Variants in IPCEF1 observed in about 807,000 individuals in gnomAD.
IPCEF1 encodes interactor protein for cytohesin exchange factors 1.
A neutral mutation model predicts 50.9 loss-of-function variants in IPCEF1; 31 were observed. The observed-to-expected ratio is 0.61, with a 90% CI of 0.46 to 0.82. The LOEUF is 0.82. IPCEF1 is among the 40% of genes least tolerant of loss of function. IPCEF1 has a pLI of 0.00. For synonymous variants in IPCEF1, 181 were observed against 192.0 expected, an observed-to-expected ratio of 0.94 and a Z score of 0.47; for missense variants, 458 against 514.0, an observed-to-expected ratio of 0.89 and a Z score of 1.05.
rs1370352353 is a variant in IPCEF1, at chr6:154,155,951, T to C, written c.*3877A>G. 3 of 152,226 alleles carry C rather than the reference T, an allele frequency of 2.0e-5. No homozygotes were observed. Among genetic ancestry groups the C allele is most frequent in the African/African-American group, 7.2e-5 (3 of 41,444 alleles). 9.4% of individuals were successfully genotyped at this position (152,226 alleles called of 1,614,324 possible). A position where few individuals can be genotyped will look rare whatever the true frequency, so the allele number is the denominator to read the frequency against. ...ACTGGAGTGCTACCTGAGTAAATTA[T>C]CATGATTACATGAAAAGCAATTAAG... On this transcript the variant is annotated 3_prime_UTR_variant, in exon 12 of 12. Transcript: ENST00000367220.
chr6:154,321,569 G>A (rs1783376309), intron 1 of IPCEF1, among the ~76,000 whole-genome samples: 1 of 151,992 alleles, frequency 6.6e-6, no homozygotes, highest in African/African-American at 2.4e-5. Flanking sequence ...CCTGAGGTCA[G>A]GGGTTCAAGA....
intron 2 of IPCEF1, among the ~76,000 whole-genome samples, chr6:154,280,069 G>A (rs995074739): frequency 3.3e-5 from 5 of 152,232 alleles, no homozygotes; most frequent in African/African-American, 9.6e-5. Context: ...GCGTTGGCAA[G>A]ATTGTAGAAC....
chr6:154,272,364 G>A (rs1013005273), intron 2 of IPCEF1, among the ~76,000 whole-genome samples: 1 of 152,176 alleles, frequency 6.6e-6, no homozygotes, highest in African/African-American at 2.4e-5. Context: ...CACACTTCAA[G>A]GTTGGTTAAA....
chr6:154,269,228 T>G (rs561061048), intron 2 of IPCEF1, among the ~76,000 whole-genome samples: 1 of 152,326 alleles, frequency 6.6e-6, no homozygotes, highest in South Asian at 2.1e-4. Flanking sequence ...TTTTGTTTTG[T>G]AAAATATTGG....
chr6:154,241,009 G>T (rs375494306), intron 5 of IPCEF1, among the ~76,000 whole-genome samples: 242 of 152,122 alleles, frequency 1.6e-3, no homozygotes, highest in African/African-American at 5.7e-3. Flanking sequence ...AGACTGAGGC[G>T]GGCAAATCAT....
At chr6:154,310,064 G>A (rs1029889711) in intron 1 of IPCEF1, among the ~76,000 whole-genome samples, 13 of 152,024 alleles carry the variant, frequency 8.6e-5, no homozygotes, top group African/African-American at 2.2e-4. Flanking sequence ...ACACCCGGCC[G>A]TCGCTGTGCA....
At chr6:154,263,925 C>T (rs1454393305) in intron 3 of IPCEF1, among the ~76,000 whole-genome samples, 1 of 126,420 alleles carries the variant, frequency 7.9e-6, no homozygotes, top group Admixed American at 8.9e-5. Flanking sequence ...GGCAGAGGGA[C>T]TCCTCACTTC....
At chr6:154,283,059 C>T (rs943770592) in intron 2 of IPCEF1, among the ~76,000 whole-genome samples, 1 of 151,982 alleles carries the variant, frequency 6.6e-6, no homozygotes, top group African/African-American at 2.4e-5. Flanking sequence ...TTTGGGAGGC[C>T]GAGGTGGGCG....
intron 5 of IPCEF1, among the ~76,000 whole-genome samples, chr6:154,244,442 C>T (rs942271880): frequency 1.3e-5 from 2 of 152,114 alleles, no homozygotes; most frequent in Admixed American, 6.6e-5. Context: ...TAGCGGCAAG[C>T]TTATTCTCCA....
chr6:154,186,525 T>C (rs1159380973), intron 10 of IPCEF1, among the ~76,000 whole-genome samples: 2 of 152,124 alleles, frequency 1.3e-5, no homozygotes, highest in East Asian at 1.9e-4. Context: ...CTCATGTCCG[T>C]GCACGGAGCC....
chr6:154,306,222 G>A (rs1051905395), intron 1 of IPCEF1, among the ~76,000 whole-genome samples: 1 of 152,034 alleles, frequency 6.6e-6, no homozygotes, highest in South Asian at 2.1e-4. Flanking sequence ...TAACATTTGA[G>A]CAGATCTATC....
At chr6:154,165,854 T>C (rs977046256) in intron 11 of IPCEF1, among the ~76,000 whole-genome samples, 33 of 152,256 alleles carry the variant, frequency 2.2e-4, no homozygotes, top group African/African-American at 6.0e-4. Flanking sequence ...AGTTGTGACC[T>C]GCCCTGTGGA....
chr6:154,224,398 C>G (rs1779092240), intron 5 of IPCEF1, among the ~76,000 whole-genome samples: 1 of 152,254 alleles, frequency 6.6e-6, no homozygotes, highest in South Asian at 2.1e-4. Flanking sequence ...ACCTGAAATG[C>G]CTTCCTCTTA....
chr6:154,320,226 C>T (rs893103990), intron 1 of IPCEF1, among the ~76,000 whole-genome samples: 14 of 152,124 alleles, frequency 9.2e-5, no homozygotes, highest in Admixed American at 2.6e-4. Context: ...TTCATAACTA[C>T]CAAGGAAGCA....
chr6:154,236,423 G>A (rs1269693903), intron 5 of IPCEF1, among the ~76,000 whole-genome samples: 2 of 152,156 alleles, frequency 1.3e-5, no homozygotes, highest in Non-Finnish European at 2.9e-5. Context: ...TATTTAATAG[G>A]TACAGAGTCT....
At chr6:154,257,465 T>G (rs1451005538) in intron 3 of IPCEF1, among the ~76,000 whole-genome samples, 2 of 152,210 alleles carry the variant, frequency 1.3e-5, no homozygotes, top group African/African-American at 4.8e-5. Flanking sequence ...ACCATGTTTC[T>G]GAGCCTAACT....
intron 10 of IPCEF1, among the ~76,000 whole-genome samples, chr6:154,186,597 C>T (rs1801377019): frequency 6.6e-6 from 1 of 151,924 alleles, no homozygotes; most frequent in South Asian, 2.1e-4. Context: ...CGCTTTGTCG[C>T]CCAGGCTGGA....
chr6:154,262,069 A>T (rs1428048945), intron 3 of IPCEF1, among the ~76,000 whole-genome samples: 1 of 152,248 alleles, frequency 6.6e-6, no homozygotes, highest in Non-Finnish European at 1.5e-5. Context: ...AAAGTAGGGT[A>T]ACCACTGAAA....
chr6:154,200,633 A>C (rs1776989754), intron 9 of IPCEF1, among the ~76,000 whole-genome samples: 2 of 152,148 alleles, frequency 1.3e-5, no homozygotes, highest in Admixed American at 6.5e-5. Context: ...AGGCAGGAGA[A>C]TCACTTGAAC....
Sources: allele counts gnomAD v4.1 joint callset (sites outside exome capture counted in the v4.1 genomes callset), GRCh38; gene constraint gnomAD v4.1.1; transcripts MANE v1.5; gene names NCBI Gene and HGNC (gene_info 2026-07-23, HGNC 2026-07-21).